Variants in SUPT3H observed in about 807,000 individuals in gnomAD.
SUPT3H encodes the protein transcription initiation protein SPT3 homolog.
A neutral mutation model predicts 44.3 loss-of-function variants in SUPT3H; 44 were observed. The observed-to-expected ratio is 0.99, with a 90% CI of 0.78 to 1.28. The LOEUF (loss-of-function observed/expected upper bound fraction) is 1.28. SUPT3H is among the 50% of genes most tolerant of loss of function. SUPT3H has a pLI of 0.00. For missense variants in SUPT3H, 380 were observed against 387.1 expected, an observed-to-expected ratio of 0.98 and a Z score of 0.15; for synonymous variants, 124 against 125.6, an observed-to-expected ratio of 0.99 and a Z score of 0.09.
chr6:45,165,741 T>C (rs907784996), intron 2 of SUPT3H, among the ~76,000 whole-genome samples: 3 of 151,602 alleles, frequency 2.0e-5, no homozygotes, highest in Non-Finnish European at 4.4e-5. Context: ...GGTAAGGACA[T>C]AGCTAAAGGA....
chr6:45,328,447 G>T (rs770369522), intron 2 of SUPT3H: 3 of 1,464,222 alleles, frequency 2.0e-6, no homozygotes, highest in Non-Finnish European at 2.8e-6. Flanking sequence ...CAGCCACCGA[G>T]ACCAACAGAG....
intron 2 of SUPT3H, among the ~76,000 whole-genome samples, chr6:45,330,727 T>C (rs1018592368): frequency 6.6e-6 from 1 of 151,904 alleles, no homozygotes; most frequent in African/African-American, 2.4e-5. Context: ...ACCTTTTTTT[T>C]TTCCAACATT....
At chr6:44,935,065 T>A (rs1348238351) in intron 9 of SUPT3H, among the ~76,000 whole-genome samples, 3 of 152,216 alleles carry the variant, frequency 2.0e-5, no homozygotes, top group Admixed American at 1.3e-4. Flanking sequence ...ATTCAGCAAC[T>A]GTTAACATTA....
chr6:44,919,329 T>A (rs1768284120), intron 10 of SUPT3H, among the ~76,000 whole-genome samples: 1 of 152,162 alleles, frequency 6.6e-6, no homozygotes, highest in Non-Finnish European at 1.5e-5. Flanking sequence ...AGATTAGGCG[T>A]CTTCTAAGAA....
At position 45,363,952 on chromosome 6, in the gene SUPT3H, T is replaced by TA. The variant is rs552217549; in HGVS notation, c.101+1248dup. Among the ~76,000 whole-genome samples, 26 of 151,984 alleles carry TA rather than the reference T, an allele frequency of 1.7e-4. 1 individual carries two copies. In the East Asian group the frequency reaches 4.6e-3, roughly 27 times the overall value. On this transcript the variant is annotated intron_variant, in intron 2 of 10. Transcript: ENST00000371459. ...CAACATGGCGAAACCCTGTCTCTACTAAAAATACAAAAATTAGCCGGGTGT... is the reference window on the plus strand; with the variant it reads ...CAACATGGCGAAACCCTGTCTCTACTAAAAAATACAAAAATTAGCCGGGTGT...
At chr6:44,855,023 C>T (rs1773500665) in intron 10 of SUPT3H, among the ~76,000 whole-genome samples, 1 of 152,150 alleles carries the variant, frequency 6.6e-6, no homozygotes, top group Non-Finnish European at 1.5e-5. Flanking sequence ...TCATAGAGTT[C>T]ATTTTTCACC....
chr6:44,888,442 G>C (rs961544724), intron 10 of SUPT3H, among the ~76,000 whole-genome samples: 2 of 152,168 alleles, frequency 1.3e-5, no homozygotes, highest in African/African-American at 4.8e-5. Context: ...TCATCCCTGG[G>C]ATGCAAGGCT....
chr6:45,354,223 A>C (rs1459620036), intron 2 of SUPT3H, among the ~76,000 whole-genome samples: 1 of 152,176 alleles, frequency 6.6e-6, no homozygotes, highest in African/African-American at 2.4e-5. Context: ...ATAGTGGAAA[A>C]ACTGGACAAA....
chr6:44,918,744 A>G (rs952384124), intron 10 of SUPT3H, among the ~76,000 whole-genome samples: 5 of 152,210 alleles, frequency 3.3e-5, no homozygotes, highest in African/African-American at 1.2e-4. Context: ...CACAAATTCA[A>G]TAAGATCATT....
At chr6:44,885,438 C>A (rs946653764) in intron 10 of SUPT3H, among the ~76,000 whole-genome samples, 3 of 152,138 alleles carry the variant, frequency 2.0e-5, no homozygotes, top group Admixed American at 2.0e-4. Context: ...AACGATCAGA[C>A]AGCAGCATTC....
At chr6:45,359,816 G>A (rs1237016594) in intron 2 of SUPT3H, among the ~76,000 whole-genome samples, 2 of 152,128 alleles carry the variant, frequency 1.3e-5, no homozygotes, top group African/African-American at 4.8e-5. Context: ...GGCCAAGGTG[G>A]GAGGATCACT....
intron 6 of SUPT3H, among the ~76,000 whole-genome samples, chr6:44,977,456 C>T (rs1356102604): frequency 6.6e-6 from 1 of 151,978 alleles, no homozygotes; most frequent in Non-Finnish European, 1.5e-5. Flanking sequence ...TTTAAAAATA[C>T]TTTTTAAAAA....
chr6:45,071,349 G>A (rs1266449298), intron 3 of SUPT3H, among the ~76,000 whole-genome samples: 1 of 151,962 alleles, frequency 6.6e-6, no homozygotes, highest in Non-Finnish European at 1.5e-5. Context: ...TTACACATGA[G>A]GAAACTACCT....
intron 2 of SUPT3H, among the ~76,000 whole-genome samples, chr6:45,204,368 G>A (rs1413096211): frequency 6.6e-6 from 1 of 152,112 alleles, no homozygotes; most frequent in Non-Finnish European, 1.5e-5. Flanking sequence ...GCTAAGGTGA[G>A]AAGAAACAAC....
At chr6:45,348,561 G>A (rs1479270201) in intron 2 of SUPT3H, among the ~76,000 whole-genome samples, 1 of 148,576 alleles carries the variant, frequency 6.7e-6, no homozygotes, top group Non-Finnish European at 1.5e-5. Context: ...TGTAGTCCCA[G>A]CTACTCAGGA....
intron 2 of SUPT3H, among the ~76,000 whole-genome samples, chr6:45,293,293 A>G (rs1466078112): frequency 1.3e-5 from 2 of 152,200 alleles, no homozygotes; most frequent in African/African-American, 2.4e-5. Flanking sequence ...ACTGAATGAC[A>G]ATAGTGACAC....
chr6:45,248,847 G>T (rs573963361), intron 2 of SUPT3H, among the ~76,000 whole-genome samples: 1 of 151,800 alleles, frequency 6.6e-6, no homozygotes, highest in East Asian at 1.9e-4. Context: ...CCCAAGAGGC[G>T]GAGGTTGCAG....
intron 2 of SUPT3H, among the ~76,000 whole-genome samples, chr6:45,308,244 A>G (rs1302844822): frequency 1.3e-5 from 2 of 152,152 alleles, no homozygotes; most frequent in African/African-American, 4.8e-5. Flanking sequence ...GGAAATACAG[A>G]GAACGCCACA....
At chr6:45,328,513 T>C (rs1786799238) in intron 2 of SUPT3H, 2 of 1,549,534 alleles carry the variant, frequency 1.3e-6, no homozygotes, top group Middle Eastern at 1.8e-4. Flanking sequence ...CTTCAAATAT[T>C]TGCTCATTCT....
Sources: gnomAD v4.1 joint callset for allele counts (sites outside exome capture counted in the v4.1 genomes callset) on GRCh38, gnomAD v4.1.1 for gene constraint, MANE v1.5 for transcripts, NCBI Gene and HGNC (gene_info 2026-07-23, HGNC 2026-07-21) for gene names.